The following PUDP variants were observed in gnomAD, a reference collection of about 807,000 sequenced individuals.
PUDP encodes the protein pseudouridine 5'-phosphatase, also known as pseudouridine-5'-phosphatase.
Under a neutral mutation model 9.4 loss-of-function variants are expected in PUDP, and 8 were observed. That is an observed-to-expected ratio of 0.85 (90% CI 0.50 to 1.53). PUDP has a LOEUF of 1.53. Among genes scored for constraint, PUDP ranks in the 40% most tolerant of loss-of-function variants. The pLI, the probability that PUDP is intolerant of heterozygous loss-of-function variation, is 0.00. For synonymous variants in PUDP, 99 were observed against 80.7 expected, an observed-to-expected ratio of 1.23 and a Z score of -1.22; for missense variants, 188 against 189.7, an observed-to-expected ratio of 0.99 and a Z score of 0.05.
intron 3 of PUDP, among the ~76,000 whole-genome samples, chrX:6,874,817 G>A (rs777664127): frequency 8.9e-6 from 1 of 111,882 alleles, no homozygotes; most frequent in Non-Finnish European, 1.9e-5. Context: ...TTTCCCTCCA[G>A]AAGACATCTT....
chrX:7,054,996 C>G (rs999843801), intron 3 of PUDP, among the ~76,000 whole-genome samples: 5 of 111,070 alleles, frequency 4.5e-5, no homozygotes, highest in African/African-American at 1.6e-4. Context: ...AAAGAAAGCC[C>G]CAGACACAGG....
intron 1 of PUDP, among the ~76,000 whole-genome samples, chrX:7,138,003 G>T (rs1245907279): frequency 4.5e-5 from 5 of 111,980 alleles, no homozygotes; most frequent in African/African-American, 1.6e-4. Context: ...TAGCATGAAG[G>T]TACTGACCCT....
rs752822332 is a variant in PUDP at position 6,805,660 on chromosome X, T to C, written c.*248-99194A>G. 4.6e-5 allele frequency among the ~76,000 whole-genome samples: 5 copies of C among 109,006 alleles called. No homozygotes were observed. The East Asian group carries it at 8.7e-4, about 19-fold the overall frequency. The allele number at this position is 109,006 out of a possible 115,157, so 94.7% of individuals were successfully genotyped here. ...TCAGCCTCCCAAGTAGCTGGGACCA[T>C]AAGTGTGCACAACTACACGGGGCTA... is the stretch of plus-strand genomic sequence containing the variant. On this transcript the variant is annotated intron_variant and NMD_transcript_variant, in intron 3 of 3. Transcript: ENST00000655425.
In PUDP at chrX:7,102,588, A is replaced by T. The variant is rs763426984; in HGVS notation, c.280+3032T>A. Among the ~76,000 whole-genome samples, 5 of 110,956 alleles carry T rather than the reference A, an allele frequency of 4.5e-5. No homozygotes were observed. The South Asian group carries it at 1.9e-3, about 42-fold the overall frequency. On this transcript the variant is annotated intron_variant, in intron 2 of 3. Transcript: ENST00000381077. ...TAATGGAAGTCTCAGCCAGGCAATT[A>T]GGCAAGAAAACACAACAAAAGGCAT...
intron 3 of PUDP, among the ~76,000 whole-genome samples, chrX:6,751,715 C>G (rs1409367618): frequency 9.0e-6 from 1 of 111,213 alleles, no homozygotes; most frequent in Non-Finnish European, 1.9e-5. Flanking sequence ...AAATATTTCT[C>G]CTCACTTCTC....
intron 1 of PUDP, among the ~76,000 whole-genome samples, chrX:7,138,095 TC>T (rs2146933466): frequency 8.9e-6 from 1 of 111,969 alleles, no homozygotes; most frequent in African/African-American, 3.2e-5. Flanking sequence ...CTGACCTGTG[TC>T]CAACTGAAGC....
intron 1 of PUDP, among the ~76,000 whole-genome samples, chrX:6,981,186 C>T (rs970801550): frequency 1.8e-5 from 2 of 111,854 alleles, no homozygotes; most frequent in Non-Finnish European, 3.8e-5. Context: ...GATGTGATGT[C>T]TGGGAATTAC....
At chrX:7,008,613 C>T (rs1450524922) in intron 1 of PUDP, among the ~76,000 whole-genome samples, 1 of 111,574 alleles carries the variant, frequency 9.0e-6, no homozygotes. Flanking sequence ...TAATTCTGTG[C>T]CCAGAGTAAC....
At chrX:6,730,251 C>G (rs368980337) in intron 3 of PUDP, among the ~76,000 whole-genome samples, 3 of 112,224 alleles carry the variant, frequency 2.7e-5, no homozygotes, top group African/African-American at 9.7e-5. Flanking sequence ...ACTGATGATG[C>G]TGACATGATC....
intron 3 of PUDP, among the ~76,000 whole-genome samples, chrX:6,868,157 G>A (rs1927118156): frequency 8.9e-6 from 1 of 111,917 alleles, no homozygotes; most frequent in Non-Finnish European, 1.9e-5. Flanking sequence ...GTGGCAGTGG[G>A]GTTGTGGAGT....
chrX:6,991,676 CA>C (rs5901333), intron 1 of PUDP, among the ~76,000 whole-genome samples: 1,261 of 85,673 alleles, frequency 0.015, 15 homozygotes, highest in African/African-American at 0.035. Flanking sequence ...GACCTTGTCT[CA>C]AAAAAAAAAA....
upstream of PUDP, among the ~76,000 whole-genome samples, chrX:6,725,037 T>A (rs1326224894): frequency 9.0e-6 from 1 of 111,665 alleles, no homozygotes; most frequent in Non-Finnish European, 1.9e-5. Context: ...ATGCCCATGG[T>A]CTGTAAACGC....
chrX:7,102,429 AAC>A (rs2146894746), intron 2 of PUDP, among the ~76,000 whole-genome samples: 1 of 110,765 alleles, frequency 9.0e-6, no homozygotes. Flanking sequence ...AGAAAAAAAA[AAC>A]TACCTCAACA....
chrX:6,817,321 T>A (rs1926268006), intron 3 of PUDP, among the ~76,000 whole-genome samples: 1 of 110,830 alleles, frequency 9.0e-6, no homozygotes, highest in African/African-American at 3.3e-5. Flanking sequence ...GATCCTTTTG[T>A]CTTGGCCTCC....
intron 3 of PUDP, among the ~76,000 whole-genome samples, chrX:6,851,521 G>A (rs891522692): frequency 1.8e-5 from 2 of 111,222 alleles, no homozygotes; most frequent in Non-Finnish European, 1.9e-5. Flanking sequence ...AGAAGGGAGC[G>A]AGGAATTAGA....
intron 1 of PUDP, among the ~76,000 whole-genome samples, chrX:6,994,277 G>A (rs1037337295): frequency 3.6e-5 from 4 of 111,619 alleles, no homozygotes; most frequent in African/African-American, 1.3e-4. Context: ...GCTGGGCATA[G>A]TGGCATGCAT....
intron 1 of PUDP, among the ~76,000 whole-genome samples, chrX:7,001,925 A>C (rs1022603116): frequency 7.2e-5 from 8 of 111,856 alleles, no homozygotes; most frequent in Non-Finnish European, 1.5e-4. Context: ...TAAATCAAAT[A>C]AAATAATAAT....
intron 3 of PUDP, among the ~76,000 whole-genome samples, chrX:6,942,428 G>A (rs771013327): frequency 3.6e-5 from 4 of 111,531 alleles, no homozygotes; most frequent in Admixed American, 9.6e-5. Flanking sequence ...CTTCCTTTAC[G>A]TAATCTGAGA....
rs185323506 is a variant in PUDP, at chrX:6,869,881, G to A, written c.*247+107252C>T. 1.2e-3 allele frequency among the ~76,000 whole-genome samples: 129 copies of A among 111,496 alleles called. 1 individual carries two copies. Among genetic ancestry groups the A allele is most frequent in the African/African-American group, 4.0e-3 (124 of 30,726 alleles). Reference sequence around the variant, plus strand: ...CTCTAAAAATTAAAAATAGGATTATGATATGCTCTAGCAATTCTACTTTTG... The same window carrying A: ...CTCTAAAAATTAAAAATAGGATTATAATATGCTCTAGCAATTCTACTTTTG... On this transcript the variant is annotated intron_variant and NMD_transcript_variant, in intron 3 of 3. Coordinates refer to the PUDP transcript ENST00000655425.
Sources: gnomAD v4.1 joint callset for allele counts (sites outside exome capture counted in the v4.1 genomes callset) on GRCh38, gnomAD v4.1.1 for gene constraint, MANE v1.5 for transcripts, NCBI Gene and HGNC (gene_info 2026-07-23, HGNC 2026-07-21) for gene names.